KLHL5: variants seen among roughly 807,000 people sequenced by gnomAD.
KLHL5 encodes kelch like family member 5.
A neutral mutation model predicts 77.7 loss-of-function variants in KLHL5; 48 were observed. The ratio of observed to expected loss-of-function variants is 0.62; its 90% confidence interval spans 0.49 to 0.79. The LOEUF (loss-of-function observed/expected upper bound fraction) is 0.79, where lower values mean the gene tolerates loss of function less well. Among genes scored for constraint, KLHL5 ranks in the 30% least tolerant of loss-of-function variants. The probability of loss-of-function intolerance (pLI) is 0.00; values close to 1 mark genes in which losing one functional copy is unlikely to be tolerated. For missense variants in KLHL5, 723 were observed against 859.7 expected, an observed-to-expected ratio of 0.84 and a Z score of 1.99; for synonymous variants, 260 against 297.0, an observed-to-expected ratio of 0.88 and a Z score of 1.28.
chr4:39,083,183 A>G (rs557894478), intron 4 of KLHL5, among the ~76,000 whole-genome samples: 12 of 152,314 alleles, frequency 7.9e-5, no homozygotes, highest in African/African-American at 2.6e-4. Context: ...GAGATTTGGA[A>G]AAATTGTAAG....
chr4:39,074,502 G>T (rs1718819353), intron 1 of KLHL5, among the ~76,000 whole-genome samples: 1 of 152,214 alleles, frequency 6.6e-6, no homozygotes, highest in Non-Finnish European at 1.5e-5. Context: ...AAGGTGAACT[G>T]TGTGATGTAA....
upstream of KLHL5, among the ~76,000 whole-genome samples, chr4:39,059,157 A>G (rs1481453092): frequency 1.3e-5 from 2 of 151,624 alleles, no homozygotes; most frequent in African/African-American, 4.9e-5. Context: ...AAGTTGTCGG[A>G]ACAGAAAAAA....
chr4:39,103,503 A>G lies in KLHL5; in HGVS notation c.1517A>G (p.His506Arg). The change falls in exon 7 of 11, where the codon CAT becomes CGT. Residue 506 changes from histidine (H) to arginine (R), a missense_variant. Physicochemically the swap from His to Arg is conservative, Grantham distance 29. Transcript: ENST00000504108. ...SVMPPMSTHR[H>R]GLGVAVLEGP... ...ATGCCACCTATGTCCACACATAGAC[A>G]TGGCCTTGGTAAGTACAACTATGCA... 6.2e-7 allele frequency: 1 copy of G among 1,612,988 alleles called. No homozygotes were observed. The highest frequency in any genetic ancestry group is 1.3e-5 in the African/African-American group (1 of 75,028).
At chr4:39,119,106 A>C (rs1723044395) in intron 10 of KLHL5, among the ~76,000 whole-genome samples, 1 of 152,204 alleles carries the variant, frequency 6.6e-6, no homozygotes, top group Non-Finnish European at 1.5e-5. Flanking sequence ...GTCCAGTTAT[A>C]TATATGATTT....
chr4:39,086,511 C>T lies in KLHL5; in HGVS notation c.901-4C>T. The T allele has an allele frequency of 6.2e-7, 1 of 1,610,226 alleles. No individual in the cohort carries two copies. Among genetic ancestry groups the T allele is most frequent in the South Asian group, 1.1e-5 (1 of 90,976 alleles). Reference sequence around the variant, plus strand: ...ATTGTTTATCTGCTATTTCTTCCCTCTAGGAGCATTTCATGGAAGTAATCA... The same window carrying T: ...ATTGTTTATCTGCTATTTCTTCCCTTTAGGAGCATTTCATGGAAGTAATCA... On this transcript the variant is annotated splice_region_variant and splice_polypyrimidine_tract_variant and intron_variant, in intron 4 of 10. Transcript: ENST00000504108.
At chr4:39,107,796 C>T in intron 8 of KLHL5, 65 bp downstream of exon 8, 1 of 1,240,128 alleles carries the variant, frequency 8.1e-7, no homozygotes, top group Non-Finnish European at 1.1e-6. Context: ...TATATCATTT[C>T]TAATTTAAAG....
intron 6 of KLHL5, among the ~76,000 whole-genome samples, chr4:39,098,767 C>T (rs1364443891): frequency 4.0e-5 from 6 of 151,858 alleles, no homozygotes; most frequent in Non-Finnish European, 7.4e-5. Context: ...GGTTTCACCA[C>T]GTCAGCCAGG....
At chr4:39,090,588 A>G (rs944105853) in intron 5 of KLHL5, among the ~76,000 whole-genome samples, 2 of 151,852 alleles carry the variant, frequency 1.3e-5, no homozygotes, top group Non-Finnish European at 2.9e-5. Flanking sequence ...AGCTGGGATT[A>G]ACAGGCACAT....
chr4:39,044,936 C>A (rs1460887557), upstream of KLHL5: 2 of 968,736 alleles, frequency 2.1e-6, no homozygotes, highest in South Asian at 9.7e-5. Flanking sequence ...CGCTCCGGGC[C>A]GGCCGGCGCC....
At chr4:39,103,541 A>G in intron 7 of KLHL5, 30 bp downstream of exon 7, 1 of 1,542,122 alleles carries the variant, frequency 6.5e-7, no homozygotes, top group Non-Finnish European at 9.0e-7. Flanking sequence ...TTCACTCAAA[A>G]TATCACATAG....
chr4:39,075,287 C>T (rs774511891), intron 1 of KLHL5, among the ~76,000 whole-genome samples: 8 of 151,118 alleles, frequency 5.3e-5, no homozygotes, highest in Admixed American at 6.6e-5. Context: ...GACGAGATCG[C>T]GCCATTGCAC....
chr4:39,119,436 A>C (rs1723063646), intron 10 of KLHL5, among the ~76,000 whole-genome samples: 1 of 152,090 alleles, frequency 6.6e-6, no homozygotes, highest in African/African-American at 2.4e-5. Flanking sequence ...AATACAAAAA[A>C]TTAGCCAGGT....
chr4:39,095,860 A>T (rs975157155), intron 5 of KLHL5, among the ~76,000 whole-genome samples: 5 of 151,526 alleles, frequency 3.3e-5, no homozygotes, highest in Non-Finnish European at 5.9e-5. Flanking sequence ...AACTGTAAAA[A>T]TTATTACATA....
intron 5 of KLHL5, among the ~76,000 whole-genome samples, chr4:39,095,239 T>C (rs1397440451): frequency 6.6e-6 from 1 of 152,036 alleles, no homozygotes; most frequent in Non-Finnish European, 1.5e-5. Flanking sequence ...AAAATTCAAA[T>C]TAAAGGGAAA....
At chr4:39,087,589 A>G (rs951109571) in intron 5 of KLHL5, among the ~76,000 whole-genome samples, 8 of 152,192 alleles carry the variant, frequency 5.3e-5, no homozygotes, top group African/African-American at 1.9e-4. Context: ...GAATAAAAAT[A>G]TTATTTCAGA....
rs116255721 is a variant in KLHL5, at chr4:39,087,417, G to T, written c.1113+690G>T. Among the ~76,000 whole-genome samples, 1,224 of 152,184 alleles carry T rather than the reference G, an allele frequency of 8.0e-3. 19 individuals carry two copies. Among genetic ancestry groups the T allele is most frequent in the African/African-American group, 0.028 (1,157 of 41,506 alleles). ...TTCTGGTGATATATAGATTAACAAG[G>T]TATATTAATAGTCAAAGCTCTGACA... On this transcript the variant is annotated intron_variant, in intron 5 of 10. Coordinates refer to ENST00000504108, the MANE Select transcript of KLHL5 (RefSeq NM_015990.5).
At chr4:39,104,714 T>G (rs995535060) in intron 7 of KLHL5, among the ~76,000 whole-genome samples, 1 of 152,222 alleles carries the variant, frequency 6.6e-6, no homozygotes, top group African/African-American at 2.4e-5. Context: ...AGCAATGTTC[T>G]TATTAAGTTA....
upstream of KLHL5, among the ~76,000 whole-genome samples, chr4:39,060,555 G>A (rs1717331801): frequency 6.6e-6 from 1 of 151,938 alleles, no homozygotes; most frequent in Admixed American, 6.6e-5. Context: ...AAAGATGATA[G>A]TGCCTGAGCT....
At chr4:39,105,281 G>A (rs1210072926) in intron 7 of KLHL5, among the ~76,000 whole-genome samples, 4 of 151,690 alleles carry the variant, frequency 2.6e-5, no homozygotes, top group African/African-American at 9.7e-5. Context: ...CTAGTAGCTA[G>A]GACTATAGGC....
Sources: gnomAD v4.1 joint callset for allele counts (sites outside exome capture counted in the v4.1 genomes callset) on GRCh38, gnomAD v4.1.1 for gene constraint, MANE v1.5 for transcripts, NCBI Gene and HGNC (gene_info 2026-07-23, HGNC 2026-07-21) for gene names.